The following NFIL3 variants were observed in gnomAD, a reference collection of about 807,000 sequenced individuals.
NFIL3 encodes the protein nuclear factor, interleukin 3 regulated.
Under a neutral mutation model 10.0 loss-of-function variants are expected in NFIL3, and 5 were observed. The observed-to-expected ratio is 0.50, with a 90% CI of 0.26 to 1.06. NFIL3 has a LOEUF of 1.06. Ranked by LOEUF, NFIL3 falls within the 50% of genes least tolerant of loss-of-function variation. The pLI, the probability that NFIL3 is intolerant of heterozygous loss-of-function variation, is 0.13. For missense variants in NFIL3, 436 were observed against 547.6 expected (o/e 0.80, Z 2.03); for synonymous variants, 202 against 206.5 (o/e 0.98, Z 0.19).
At chr9:91,437,247 G>A in the NFIL3 span, among the ~76,000 whole-genome samples, 1 of 152,184 alleles carries the variant, frequency 6.6e-6, no homozygotes, top group Admixed American at 6.5e-5. Context: ...GCTTTATTGA[G>A]TTATAATTCA....
At chr9:91,431,665 G>A in the NFIL3 span, among the ~76,000 whole-genome samples, 1 of 152,144 alleles carries the variant, frequency 6.6e-6, no homozygotes, top group Non-Finnish European at 1.5e-5. Flanking sequence ...GGAAGCCGAC[G>A]TGACTTTGGC....
chr9:91,413,421 T>C (rs1166760992), intron 1 of NFIL3, among the ~76,000 whole-genome samples: 2 of 151,970 alleles, frequency 1.3e-5, no homozygotes, highest in African/African-American at 4.8e-5. Flanking sequence ...GCTAATTTTT[T>C]TGTATTTTTA....
At chr9:91,463,061 T>G in the NFIL3 span, among the ~76,000 whole-genome samples, 3 of 151,988 alleles carry the variant, frequency 2.0e-5, no homozygotes, top group Non-Finnish European at 2.9e-5. Flanking sequence ...ATATTGGTAA[T>G]TTATGTCTTC....
At chr9:91,420,939 G>A (rs896209591) in intron 1 of NFIL3, among the ~76,000 whole-genome samples, 1 of 152,148 alleles carries the variant, frequency 6.6e-6, no homozygotes, top group Admixed American at 6.5e-5. Context: ...ACTGGCCAAA[G>A]TCAAGCTGAG....
At chr9:91,428,596 T>C (rs991812820), upstream of NFIL3, among the ~76,000 whole-genome samples, 3 of 152,206 alleles carry the variant, frequency 2.0e-5, no homozygotes, top group East Asian at 3.8e-4. Context: ...CCAAAATGTT[T>C]CCTATTAAGC....
chr9:91,477,111 G>C, the NFIL3 span, among the ~76,000 whole-genome samples: 1 of 152,126 alleles, frequency 6.6e-6, no homozygotes, highest in African/African-American at 2.4e-5. Context: ...GCTGCACTGG[G>C]TTCCCTGATT....
chr9:91,440,198 A>T, the NFIL3 span, among the ~76,000 whole-genome samples: 2 of 151,946 alleles, frequency 1.3e-5, no homozygotes. Flanking sequence ...CTTTGTTATT[A>T]TTCTGTTCAA....
At chr9:91,464,024 T>A in the NFIL3 span, among the ~76,000 whole-genome samples, 1 of 152,236 alleles carries the variant, frequency 6.6e-6, no homozygotes, top group Non-Finnish European at 1.5e-5. Context: ...ACTTTTAACA[T>A]ATTTGCATCT....
chr9:91,458,114 A>C, the NFIL3 span, among the ~76,000 whole-genome samples: 15,029 of 152,106 alleles, frequency 0.099, 883 homozygotes, highest in African/African-American at 0.16. Context: ...TGTAATTAAA[A>C]AAATACATTT....
intron 1 of NFIL3, among the ~76,000 whole-genome samples, chr9:91,413,909 A>T (rs537106244): frequency 1.7e-5 from 1 of 59,680 alleles, no homozygotes; most frequent in Admixed American, 1.6e-4. Context: ...GTTCCTTCTT[A>T]AAAAAAAAAA....
the NFIL3 span, among the ~76,000 whole-genome samples, chr9:91,476,148 T>C: frequency 6.6e-6 from 1 of 152,208 alleles, no homozygotes; most frequent in Admixed American, 6.5e-5. Flanking sequence ...TTCTACCTCA[T>C]TCTACAAGAC....
the NFIL3 span, among the ~76,000 whole-genome samples, chr9:91,471,076 G>T: frequency 2.0e-5 from 3 of 152,112 alleles, no homozygotes; most frequent in African/African-American, 7.2e-5. Flanking sequence ...GGATATCCTT[G>T]TTAGCCTTCT....
chr9:91,438,082 C>T, the NFIL3 span, among the ~76,000 whole-genome samples: 1 of 152,134 alleles, frequency 6.6e-6, no homozygotes, highest in African/African-American at 2.4e-5. Context: ...TGGAAACTTT[C>T]ATATTGGTTT....
chr9:91,474,753 C>A, the NFIL3 span, among the ~76,000 whole-genome samples: 1 of 152,268 alleles, frequency 6.6e-6, no homozygotes, highest in South Asian at 2.1e-4. Flanking sequence ...GCTTTGCTAG[C>A]CAAAAGGTCT....
the NFIL3 span, among the ~76,000 whole-genome samples, chr9:91,457,608 A>G: frequency 3.9e-5 from 6 of 151,988 alleles, no homozygotes; most frequent in Non-Finnish European, 8.8e-5. Flanking sequence ...GATTTTCTTC[A>G]TAGATAGCTT....
upstream of NFIL3, among the ~76,000 whole-genome samples, chr9:91,424,434 G>C (rs1324934423): frequency 6.6e-6 from 1 of 152,196 alleles, no homozygotes. Flanking sequence ...AGGGAAGGCG[G>C]GGGGTGGCGG....
chr9:91,438,613 A>G, the NFIL3 span, among the ~76,000 whole-genome samples: 1 of 152,252 alleles, frequency 6.6e-6, no homozygotes, highest in Middle Eastern at 3.4e-3. Context: ...TTTCCCCTCT[A>G]GTGTCTTCTA....
At chr9:91,443,284 C>G in the NFIL3 span, among the ~76,000 whole-genome samples, 1 of 152,222 alleles carries the variant, frequency 6.6e-6, no homozygotes, top group African/African-American at 2.4e-5. Flanking sequence ...TCATTCCAGT[C>G]CACAGACTCT....
the NFIL3 span, among the ~76,000 whole-genome samples, chr9:91,440,603 A>G: frequency 6.6e-6 from 1 of 151,388 alleles, no homozygotes; most frequent in Non-Finnish European, 1.5e-5. Flanking sequence ...TAGACTATTT[A>G]TTTGGGATCT....
Sources: allele counts gnomAD v4.1 joint callset (sites outside exome capture counted in the v4.1 genomes callset), GRCh38; gene constraint gnomAD v4.1.1; transcripts MANE v1.5; gene names NCBI Gene and HGNC (gene_info 2026-07-23, HGNC 2026-07-21).